The following SCAPER variants were observed in gnomAD, a reference collection of about 807,000 sequenced individuals.
SCAPER encodes S phase cyclin A-associated protein in the endoplasmic reticulum.
SCAPER carries 98 observed loss-of-function variants against 182.2 expected under a neutral mutation model. The ratio of observed to expected loss-of-function variants is 0.54; its 90% CI spans 0.46 to 0.64. SCAPER has a LOEUF of 0.64. Ranked by LOEUF, SCAPER falls within the 30% of genes least tolerant of loss-of-function variation. The pLI is 0.00. For missense variants in SCAPER, 1,432 were observed against 1,690.0 expected (o/e 0.85, Z 2.68); for synonymous variants, 605 against 564.6 (o/e 1.07, Z -1.01).
At chr15:76,371,501 G>A (rs1399127143) in intron 29 of SCAPER, among the ~76,000 whole-genome samples, 1 of 151,674 alleles carries the variant, frequency 6.6e-6, no homozygotes, top group Non-Finnish European at 1.5e-5. Context: ...TGTGTTTGTA[G>A]TAGAGACGGG....
At chr15:76,706,119 C>T in intron 17 of SCAPER, 135 bp from the exon 18 acceptor site, 1 of 537,022 alleles carries the variant, frequency 1.9e-6, no homozygotes, top group Non-Finnish European at 3.1e-6. Context: ...TCTTAAAGTG[C>T]CTACTAAGTC....
intron 7 of SCAPER, 33 bp from the exon 8 acceptor site, chr15:76,795,473 A>G (rs757137216): frequency 2.1e-6 from 3 of 1,415,876 alleles, no homozygotes; most frequent in Non-Finnish European, 1.9e-6. Context: ...TTAATAAATT[A>G]AATATAAAAG....
At chr15:76,719,934 T>C (rs74475780) in intron 17 of SCAPER, among the ~76,000 whole-genome samples, 1 of 152,018 alleles carries the variant, frequency 6.6e-6, no homozygotes, top group Non-Finnish European at 1.5e-5. Context: ...TTTTTTTTTT[T>C]AATTATTATT....
intron 14 of SCAPER, among the ~76,000 whole-genome samples, chr15:76,761,065 T>C (rs1475972418): frequency 6.6e-6 from 1 of 152,172 alleles, no homozygotes; most frequent in Non-Finnish European, 1.5e-5. Context: ...CTTTATTTCT[T>C]CTTGATTCAG....
chr15:76,485,703 C>T (rs1234556614), intron 24 of SCAPER, among the ~76,000 whole-genome samples: 2 of 152,086 alleles, frequency 1.3e-5, no homozygotes, highest in Non-Finnish European at 2.9e-5. Context: ...ACCAATGGTA[C>T]AGAATAGAAA....
chr15:76,561,613 T>C (rs1232794004), intron 23 of SCAPER, among the ~76,000 whole-genome samples: 4 of 152,114 alleles, frequency 2.6e-5, no homozygotes, highest in Non-Finnish European at 5.9e-5. Flanking sequence ...AATCACAGTA[T>C]GTAGGTAGAA....
At chr15:76,720,268 T>A (rs1209085441) in intron 17 of SCAPER, among the ~76,000 whole-genome samples, 1 of 152,152 alleles carries the variant, frequency 6.6e-6, no homozygotes, top group Non-Finnish European at 1.5e-5. Context: ...TCATCATTTT[T>A]TATGGCTGCA....
At chr15:76,392,873 T>C (rs1271764464) in intron 27 of SCAPER, among the ~76,000 whole-genome samples, 1 of 152,170 alleles carries the variant, frequency 6.6e-6, no homozygotes, top group South Asian at 2.1e-4. Context: ...GCTGCAAATG[T>C]ATCCTGGACA....
At chr15:76,879,789 C>T (rs1377033015) in intron 2 of SCAPER, among the ~76,000 whole-genome samples, 7 of 152,074 alleles carry the variant, frequency 4.6e-5, no homozygotes, top group Admixed American at 1.3e-4. Flanking sequence ...TCTTCAACCC[C>T]GAGACTTGGC....
chr15:76,840,533 A>G (rs1190352737), intron 5 of SCAPER, among the ~76,000 whole-genome samples: 2 of 152,058 alleles, frequency 1.3e-5, no homozygotes, highest in Non-Finnish European at 2.9e-5. Context: ...CCTGCTTTTG[A>G]TAACTAGTAT....
chr15:76,588,293 T>A (rs1264131419), intron 22 of SCAPER, among the ~76,000 whole-genome samples: 2 of 152,194 alleles, frequency 1.3e-5, no homozygotes, highest in Non-Finnish European at 2.9e-5. Flanking sequence ...GGTGCATATA[T>A]GTTTAGGATT....
chr15:76,500,237 T>A (rs2040976379), intron 24 of SCAPER, among the ~76,000 whole-genome samples: 1 of 152,196 alleles, frequency 6.6e-6, no homozygotes, highest in Admixed American at 6.5e-5. Flanking sequence ...TACTTCTGTA[T>A]GAAAAACTGT....
intron 21 of SCAPER, among the ~76,000 whole-genome samples, chr15:76,628,000 T>C (rs971967946): frequency 1.3e-5 from 2 of 152,242 alleles, no homozygotes; most frequent in Non-Finnish European, 2.9e-5. Flanking sequence ...CATGAGATGG[T>C]ATCTCATTGT....
rs903126167 is a variant in SCAPER at position 76,712,278 on chromosome 15, T to C, written c.2166-6294A>G. Among the ~76,000 whole-genome samples the C allele has an allele frequency of 1.3e-4, 20 of 152,324 alleles. No homozygotes were observed. In the South Asian group the frequency reaches 3.9e-3, roughly 30 times the overall value. On this transcript the variant is annotated intron_variant, in intron 17 of 31. Coordinates refer to ENST00000563290, the MANE Select transcript of SCAPER (RefSeq NM_020843.4). ...TGCGGCGTTATTTATGAGGGCTCTG[T>C]TCTGTTCCATTGATCTATATCTCTG... is the stretch of plus-strand genomic sequence containing the variant.
intron 14 of SCAPER, among the ~76,000 whole-genome samples, chr15:76,755,583 G>A (rs2062372702): frequency 6.6e-6 from 1 of 152,128 alleles, no homozygotes; most frequent in Non-Finnish European, 1.5e-5. Context: ...CTTGTAGTAT[G>A]GAGCCTCTGA....
intron 26 of SCAPER, among the ~76,000 whole-genome samples, chr15:76,430,115 C>T (rs961665364): frequency 3.5e-4 from 53 of 152,332 alleles, no homozygotes; most frequent in Admixed American, 6.5e-5. Flanking sequence ...CCTGCAGGTG[C>T]ACCGAAGTCA....
At chr15:76,903,395 T>A (rs987955130) in intron 1 of SCAPER, among the ~76,000 whole-genome samples, 3 of 152,202 alleles carry the variant, frequency 2.0e-5, no homozygotes, top group African/African-American at 7.2e-5. Flanking sequence ...CTTGTGGAAA[T>A]CCTAGTTTCC....
At chr15:76,608,077 C>A (rs1017475079) in intron 22 of SCAPER, among the ~76,000 whole-genome samples, 1 of 152,206 alleles carries the variant, frequency 6.6e-6, no homozygotes, top group Non-Finnish European at 1.5e-5. Flanking sequence ...CGTTCCTTTG[C>A]AGGAGGAGAG....
At chr15:76,819,253 T>A (rs1013255191) in intron 5 of SCAPER, among the ~76,000 whole-genome samples, 2 of 152,184 alleles carry the variant, frequency 1.3e-5, no homozygotes, top group South Asian at 2.1e-4. Context: ...TCTCCCAGCA[T>A]GCAGCTTGAG....
Sources: gnomAD v4.1 joint callset for allele counts (sites outside exome capture counted in the v4.1 genomes callset) on GRCh38, gnomAD v4.1.1 for gene constraint, MANE v1.5 for transcripts, NCBI Gene and HGNC (gene_info 2026-07-23, HGNC 2026-07-21) for gene names.